The following SYCP2 variants were observed in gnomAD, a reference collection of about 807,000 sequenced individuals.
SYCP2 encodes the protein synaptonemal complex protein 2, also known as synaptonemal complex lateral element protein.
A neutral mutation model predicts 211.3 loss-of-function variants in SYCP2; 55 were observed. The observed-to-expected ratio is 0.26, with a 90% CI of 0.21 to 0.33. The LOEUF (loss-of-function observed/expected upper bound fraction) is 0.33, where lower values mean the gene tolerates loss of function less well. SYCP2 is among the 10% of genes least tolerant of loss of function. The pLI is 1.00. For synonymous variants in SYCP2, 570 were observed against 555.2 expected, an observed-to-expected ratio of 1.03 and a Z score of -0.37; for missense variants, 1,731 against 1,752.0, an observed-to-expected ratio of 0.99 and a Z score of 0.21.
At chr20:59,931,537 A>AT (rs1169112914) in intron 2 of SYCP2, among the ~76,000 whole-genome samples, 1 of 152,232 alleles carries the variant, frequency 6.6e-6, no homozygotes, top group Non-Finnish European at 1.5e-5. Flanking sequence ...TGGGGGCTCC[A>AT]TTTATACTCT....
chr20:59,868,959 C>T lies in SYCP2; in HGVS notation c.3742-34G>A, dbSNP rs184690918. On this transcript the variant is annotated intron_variant, in intron 36 of 44. Coordinates refer to ENST00000357552, the MANE Select transcript of SYCP2 (RefSeq NM_014258.4). ...CGTATTAGAAATTAGAAAAAAATTC[C>T]GTAAATATATTTCAATTCACATTTT... The T allele has an allele frequency of 8.3e-5, 123 of 1,482,278 alleles. No homozygotes were observed. In the African/African-American group the frequency reaches 1.4e-3, roughly 17 times the overall value. The allele number at this position is 1,482,278 out of a possible 1,614,324, so 91.8% of individuals were successfully genotyped here.
chr20:59,912,345 A>G, intron 13 of SYCP2, 28 bp downstream of exon 13: 2 of 885,388 alleles, frequency 2.3e-6, no homozygotes, highest in South Asian at 1.6e-5. Context: ...TGCAATAACT[A>G]AAATAATGTG....
intron 22 of SYCP2, among the ~76,000 whole-genome samples, 160 bp downstream of exon 22, chr20:59,892,982 A>G (rs1174738793): frequency 3.9e-5 from 6 of 152,028 alleles, no homozygotes; most frequent in South Asian, 2.1e-4. Context: ...CCACATGGGG[A>G]AAAAACCATA....
chr20:59,887,106 C>G (rs977869555), intron 24 of SYCP2, among the ~76,000 whole-genome samples: 1 of 152,112 alleles, frequency 6.6e-6, no homozygotes, highest in Admixed American at 6.6e-5. Context: ...CACCCATTAA[C>G]TCGTCATTTA....
At chr20:59,911,868 C>A (rs769435058) in intron 13 of SYCP2, 23 bp from the exon 14 acceptor site, 3 of 1,217,954 alleles carry the variant, frequency 2.5e-6, no homozygotes, top group South Asian at 3.0e-5. Flanking sequence ...ACATACAAAA[C>A]TGGAATATAC....
chr20:59,867,603 TGA>T, intron 39 of SYCP2, 106 bp downstream of exon 39: 2 of 923,456 alleles, frequency 2.2e-6, no homozygotes, highest in Non-Finnish European at 3.2e-6. Flanking sequence ...GTTGGTTTCA[TGA>T]ATGGATATTT....
rs527773987 is a variant in SYCP2 at position 59,924,907 on chromosome 20, A to G, written c.-46-2448T>C. 4.6e-5 allele frequency among the ~76,000 whole-genome samples: 7 copies of G among 152,154 alleles called. No homozygotes were observed. The South Asian group carries it at 6.2e-4, about 14-fold the overall frequency. ...AAAGCAGTAAGGAAAGGGTAAGATA[A>G]TCTTTTCAATTAATCTATACTGTTC... On this transcript the variant is annotated intron_variant, in intron 2 of 44. Coordinates refer to ENST00000357552, the MANE Select transcript of SYCP2 (RefSeq NM_014258.4).
intron 36 of SYCP2, 31 bp downstream of exon 36, chr20:59,869,767 G>A (rs762077358): frequency 2.0e-5 from 28 of 1,418,598 alleles, no homozygotes; most frequent in Non-Finnish European, 2.7e-5. Context: ...TTAGTGTAAG[G>A]AAAATTTATA....
At chr20:59,900,399 T>C in intron 17 of SYCP2, 115 bp from the exon 18 acceptor site, 2 of 934,216 alleles carry the variant, frequency 2.1e-6, no homozygotes, top group African/African-American at 3.3e-5. Context: ...ATTTCCCTTT[T>C]CTATCCATGT....
At chr20:59,924,728 AAAAAG>A (rs1048764273) in intron 2 of SYCP2, among the ~76,000 whole-genome samples, 13 of 152,144 alleles carry the variant, frequency 8.5e-5, no homozygotes, top group South Asian at 2.1e-4. Flanking sequence ...AGTTGGAAAT[AAAAAG>A]AAAAGATAGC....
chr20:59,923,464 C>A (rs1166079945), intron 2 of SYCP2, among the ~76,000 whole-genome samples: 1 of 151,744 alleles, frequency 6.6e-6, no homozygotes, highest in African/African-American at 2.4e-5. Context: ...GATTATGTTT[C>A]TTACCATCTC....
intron 39 of SYCP2, 137 bp downstream of exon 39, chr20:59,867,574 T>G: frequency 1.6e-6 from 1 of 609,248 alleles, no homozygotes; most frequent in Non-Finnish European, 2.7e-6. Context: ...TTTATTCCAA[T>G]TATTCACATA....
chr20:59,912,854 T>TC (rs1205013294), intron 12 of SYCP2, among the ~76,000 whole-genome samples: 1 of 152,206 alleles, frequency 6.6e-6, no homozygotes, highest in Non-Finnish European at 1.5e-5. Context: ...ATCAGGGGTT[T>TC]CCCCTTTTGC....
At chr20:59,890,086 A>G (rs1568936978) in intron 24 of SYCP2, among the ~76,000 whole-genome samples, 1 of 152,204 alleles carries the variant, frequency 6.6e-6, no homozygotes, top group Admixed American at 6.6e-5. Context: ...TCTACTATAA[A>G]GACACATGCA....
In SYCP2 at chr20:59,892,196, A is replaced by G; in HGVS notation, c.2158T>C (p.Ser720Pro). ...AGAACCGATTTAAAAGTAGTTTCAG[A>G]TTCAACAGGCCAATCACTCTGCTTG... ...NAKQSDWPVESETTFKSVLLN... is the reference protein window; with the variant it reads ...NAKQSDWPVEPETTFKSVLLN... Residue 720 changes from serine (S) to proline (P), a missense_variant, in exon 24 of 45, where the codon TCT becomes CCT. Ser to Pro is a moderately conservative substitution (Grantham distance 74). Around this residue, in one of 3 missense-constraint regions of SYCP2, gnomAD observed 1,387 missense variants for 1,351.3 expected, o/e 1.03. Transcript: ENST00000357552. 11 of 1,612,672 alleles carry G rather than the reference A, an allele frequency of 6.8e-6. No homozygotes were observed. The highest frequency in any genetic ancestry group is 9.3e-6 in the Non-Finnish European group (11 of 1,179,214).
chr20:59,918,478 A>G (rs908350764), intron 7 of SYCP2, among the ~76,000 whole-genome samples: 10 of 152,206 alleles, frequency 6.6e-5, no homozygotes, highest in African/African-American at 2.4e-4. Context: ...CTTTGTTGTA[A>G]GTACAAAGGA....
chr20:59,895,378 T>C, intron 20 of SYCP2, 59 bp downstream of exon 20: 2 of 1,443,028 alleles, frequency 1.4e-6, no homozygotes, highest in South Asian at 1.3e-5. Context: ...GTTAGCTCAA[T>C]ACATATTTCC....
Position 59,873,837 on chromosome 20 carries a change from A to C in SYCP2, c.3555+19T>G, listed in dbSNP as rs773291998. The C allele has an allele frequency of 8.3e-6, 13 of 1,571,740 alleles. No individual in the cohort carries two copies. Among genetic ancestry groups the C allele is most frequent in the Non-Finnish European group, 1.1e-5 (13 of 1,159,540 alleles). ...TTCAGATATATCTGATAAAGAGAAAAATATATATACATTCTCACCAAAAAC... is the reference window on the plus strand; with the variant it reads ...TTCAGATATATCTGATAAAGAGAAACATATATATACATTCTCACCAAAAAC... On this transcript the variant is annotated intron_variant, in intron 35 of 44. Coordinates refer to ENST00000357552, the MANE Select transcript of SYCP2 (RefSeq NM_014258.4).
intron 24 of SYCP2, among the ~76,000 whole-genome samples, chr20:59,888,039 C>T (rs1568934105): frequency 1.3e-5 from 2 of 151,908 alleles, no homozygotes; most frequent in African/African-American, 2.4e-5. Flanking sequence ...GATATCCTAC[C>T]AAAACACCAG....
Sources: gnomAD v4.1 joint callset for allele counts (sites outside exome capture counted in the v4.1 genomes callset) on GRCh38, gnomAD v4.1.1 for gene constraint, gnomAD v4.1.1 regional missense constraint, MANE v1.5 for transcripts, NCBI Gene and HGNC (gene_info 2026-07-23, HGNC 2026-07-21) for gene names.